DRG1: variants seen among roughly 807,000 people sequenced by gnomAD.
DRG1 encodes developmentally regulated GTP binding protein 1.
In DRG1, 19 loss-of-function variants were observed where a neutral mutation model predicts 38.8. The observed-to-expected ratio is 0.49, with a 90% confidence interval of 0.34 to 0.72. The LOEUF is 0.72. Among genes scored for constraint, DRG1 ranks in the 30% least tolerant of loss-of-function variants. The pLI is 0.01. For missense variants in DRG1, 299 were observed against 444.8 expected, an observed-to-expected ratio of 0.67 and a Z score of 2.95; for synonymous variants, 167 against 157.5, an observed-to-expected ratio of 1.06 and a Z score of -0.45.
chr22:31,424,950 C>G (rs913841324), intron 6 of DRG1, among the ~76,000 whole-genome samples: 2 of 150,828 alleles, frequency 1.3e-5, no homozygotes, highest in African/African-American at 4.9e-5. Flanking sequence ...CTACAGGTGT[C>G]CGCCACCATA....
At chr22:31,413,469 C>T (rs2145863228) in intron 4 of DRG1, among the ~76,000 whole-genome samples, 1 of 151,964 alleles carries the variant, frequency 6.6e-6, no homozygotes, top group East Asian at 1.9e-4. Context: ...TCTTCTAATC[C>T]TGCTATTGAG....
intron 3 of DRG1, among the ~76,000 whole-genome samples, chr22:31,410,660 A>T (rs1325557901): frequency 6.6e-6 from 1 of 152,054 alleles, no homozygotes; most frequent in Non-Finnish European, 1.5e-5. Context: ...CTAAAAATAC[A>T]AAAAAGTTTG....
intron 8 of DRG1, among the ~76,000 whole-genome samples, chr22:31,432,371 A>C (rs1015355029): frequency 6.7e-6 from 1 of 148,754 alleles, no homozygotes; most frequent in Non-Finnish European, 1.5e-5. Flanking sequence ...CATTTCCTTC[A>C]TGTCCTTGAC....
chr22:31,416,899 CA>C (rs695533), intron 4 of DRG1, among the ~76,000 whole-genome samples: 113,596 of 127,416 alleles, frequency 0.89, 50,457 homozygotes, highest in East Asian at 0.97. Context: ...GATTCTGTCT[CA>C]AAAAAAAAAA....
At chr22:31,413,376 G>A (rs1310112843) in intron 4 of DRG1, among the ~76,000 whole-genome samples, 2 of 151,928 alleles carry the variant, frequency 1.3e-5, no homozygotes, top group African/African-American at 4.8e-5. Flanking sequence ...TTACAGGTGT[G>A]AGCTGCTGCA....
intron 6 of DRG1, among the ~76,000 whole-genome samples, chr22:31,424,982 T>C (rs2050101843): frequency 6.6e-6 from 1 of 151,474 alleles, no homozygotes; most frequent in South Asian, 2.1e-4. Flanking sequence ...TTTGTATTTT[T>C]AGTAGAGACG....
At chr22:31,419,680 T>A (rs924180169) in intron 4 of DRG1, among the ~76,000 whole-genome samples, 1 of 152,146 alleles carries the variant, frequency 6.6e-6, no homozygotes, top group African/African-American at 2.4e-5. Context: ...TATACATTTG[T>A]TATTGAACTG....
At chr22:31,405,995 T>C (rs1447931326) in intron 3 of DRG1, among the ~76,000 whole-genome samples, 1 of 151,326 alleles carries the variant, frequency 6.6e-6, no homozygotes, top group Non-Finnish European at 1.5e-5. Context: ...GCCGTTTCTT[T>C]TTTCTTTTTT....
At chr22:31,414,928 G>A (rs1325424593) in intron 4 of DRG1, among the ~76,000 whole-genome samples, 1 of 151,838 alleles carries the variant, frequency 6.6e-6, no homozygotes, top group Non-Finnish European at 1.5e-5. Context: ...CTACAGGCAT[G>A]TACCATCATA....
intron 4 of DRG1, 124 bp downstream of exon 4, chr22:31,411,205 C>A: frequency 9.9e-7 from 1 of 1,014,416 alleles, no homozygotes; most frequent in Non-Finnish European, 1.5e-6. Flanking sequence ...CCTGACTTCT[C>A]ATTTAAGTTG....
At chr22:31,426,515 G>T in intron 6 of DRG1, 100 bp from the exon 7 acceptor site, 2 of 996,700 alleles carry the variant, frequency 2.0e-6, no homozygotes, top group Non-Finnish European at 2.9e-6. Context: ...GTCCCTCTTG[G>T]GAGCGCCAGT....
chr22:31,408,386 C>T lies in DRG1; in HGVS notation c.343-2626C>T, dbSNP rs896784905. Among the ~76,000 whole-genome samples the T allele has an allele frequency of 6.0e-5, 9 of 150,676 alleles. No homozygotes were observed. In the East Asian group the frequency reaches 6.3e-4, roughly 11 times the overall value. ...CTTGATCTCCTGACCTCAGATGATC[C>T]GCTCACCTTGGCCTCCCAAAGTACT... On this transcript the variant is annotated intron_variant, in intron 3 of 8. Coordinates refer to ENST00000331457, the MANE Select transcript of DRG1 (RefSeq NM_004147.4).
At chr22:31,400,858 A>G in intron 2 of DRG1, 115 bp downstream of exon 2, 1 of 1,246,840 alleles carries the variant, frequency 8.0e-7, no homozygotes, top group Non-Finnish European at 1.1e-6. Flanking sequence ...AACGCCTGCA[A>G]TCCTAGCATG....
At chr22:31,431,332 C>T (rs1018205347) in intron 8 of DRG1, among the ~76,000 whole-genome samples, 6 of 152,074 alleles carry the variant, frequency 3.9e-5, no homozygotes, top group African/African-American at 1.2e-4. Flanking sequence ...CTGTGCCCGC[C>T]GCACTTTTTT....
intron 1 of DRG1, 29 bp from the exon 2 acceptor site, chr22:31,400,591 A>C (rs1224741864): frequency 6.2e-7 from 1 of 1,606,008 alleles, no homozygotes; most frequent in African/African-American, 1.3e-5. Flanking sequence ...CACTGCTTCT[A>C]ATTTATGGCT....
chr22:31,419,369 T>A (rs112490873), intron 4 of DRG1, among the ~76,000 whole-genome samples: 5,056 of 151,800 alleles, frequency 0.033, 207 homozygotes, highest in Admixed American at 0.084. Flanking sequence ...TTTTTTTTTT[T>A]TATACAGATT....
chr22:31,407,357 C>T lies in DRG1; in HGVS notation c.343-3655C>T, dbSNP rs145513575. On this transcript the variant is annotated intron_variant, in intron 3 of 8. Coordinates refer to ENST00000331457, the MANE Select transcript of DRG1 (RefSeq NM_004147.4). ...TGTACTTTTGCCTCATGGTAATTCT[C>T]CCTCGCTCTGTCACCCAGGCTGAAT... Among the ~76,000 whole-genome samples, 290 of 152,122 alleles carry T rather than the reference C, an allele frequency of 1.9e-3. 2 individuals are homozygous for T. The highest frequency in any genetic ancestry group is 2.0e-3 in the Non-Finnish European group (139 of 67,974).
intron 4 of DRG1, among the ~76,000 whole-genome samples, chr22:31,414,243 T>C (rs8140805): frequency 0.023 from 3,503 of 152,318 alleles, 121 homozygotes; most frequent in African/African-American, 0.079. Flanking sequence ...CTAATGATTA[T>C]GAAATGTGTG....
In DRG1 at chr22:31,431,028, C is replaced by T. The variant is rs1488404366; in HGVS notation, c.1005-2844C>T. Reference sequence around the variant, plus strand: ...CCACTGCACCCGGCCTTCCCCCCCCCCCCCCGCTTTTTTTTTTTTTTTTTT... The same window carrying T: ...CCACTGCACCCGGCCTTCCCCCCCCTCCCCCGCTTTTTTTTTTTTTTTTTT... On this transcript the variant is annotated intron_variant, in intron 8 of 8. Transcript: ENST00000331457. Among the ~76,000 whole-genome samples, 133 of 120,538 alleles carry T rather than the reference C, an allele frequency of 1.1e-3. 5 individuals carry two copies. Among genetic ancestry groups the T allele is most frequent in the Non-Finnish European group, 1.3e-3 (71 of 54,864 alleles). 79.1% of individuals were successfully genotyped at this position (120,538 alleles called of 152,430 possible).
Sources: allele counts gnomAD v4.1 joint callset (sites outside exome capture counted in the v4.1 genomes callset), GRCh38; gene constraint gnomAD v4.1.1; transcripts MANE v1.5; gene names NCBI Gene and HGNC (gene_info 2026-07-23, HGNC 2026-07-21).